Variants in CDH9 observed in about 807,000 individuals in gnomAD.
CDH9 encodes the protein cadherin-9.
Under a neutral mutation model 70.9 loss-of-function variants are expected in CDH9, and 28 were observed. The ratio of observed to expected loss-of-function variants is 0.40; its 90% confidence interval spans 0.29 to 0.54. CDH9 has a LOEUF of 0.54. Ranked by LOEUF, CDH9 falls within the 20% of genes least tolerant of loss-of-function variation. The pLI is 0.59. For synonymous variants in CDH9, 409 were observed against 343.1 expected (o/e 1.19, Z -2.12); for missense variants, 874 against 984.4 (o/e 0.89, Z 1.50).
At chr5:27,028,252 AC>A (rs754462177) in intron 1 of CDH9, 2 of 151,820 alleles carry the variant, frequency 1.3e-5, no homozygotes, top group Non-Finnish European at 2.9e-5. Context: ...GTTGGCACGC[AC>A]CTGTAGTCCC....
At chr5:26,956,231 G>A (rs906122711) in intron 2 of CDH9, among the ~76,000 whole-genome samples, 3 of 152,094 alleles carry the variant, frequency 2.0e-5, no homozygotes, top group African/African-American at 7.2e-5. Flanking sequence ...TAAGTCTCAC[G>A]AGATCTGAAT....
intron 2 of CDH9, among the ~76,000 whole-genome samples, chr5:26,953,168 T>C (rs1311525624): frequency 6.6e-6 from 1 of 152,170 alleles, no homozygotes; most frequent in Non-Finnish European, 1.5e-5. Context: ...TAGCAATATA[T>C]CAAACACTCT....
intron 2 of CDH9, among the ~76,000 whole-genome samples, chr5:26,944,491 AC>A (rs1741714326): frequency 6.6e-6 from 1 of 151,866 alleles, no homozygotes; most frequent in African/African-American, 2.4e-5. Flanking sequence ...TTCCCCCCAA[AC>A]TTTTAAAAAC....
At chr5:26,890,312 C>A in intron 8 of CDH9, 116 bp downstream of exon 8, 2 of 789,756 alleles carry the variant, frequency 2.5e-6, no homozygotes, top group South Asian at 1.8e-5. Context: ...AGCCATTTCT[C>A]TAAGATCTTG....
At chr5:26,909,934 C>A (rs1250180693) in intron 3 of CDH9, among the ~76,000 whole-genome samples, 1 of 151,672 alleles carries the variant, frequency 6.6e-6, no homozygotes, top group Non-Finnish European at 1.5e-5. Context: ...GAGAAAAATT[C>A]ATCAATATAA....
intron 2 of CDH9, among the ~76,000 whole-genome samples, chr5:26,934,797 G>C (rs1228029617): frequency 6.6e-6 from 1 of 152,030 alleles, no homozygotes; most frequent in Non-Finnish European, 1.5e-5. Context: ...CCAGATGGCT[G>C]CAATGGTGAA....
At chr5:27,025,564 C>A (rs991967583) in intron 1 of CDH9, among the ~76,000 whole-genome samples, 149 of 152,102 alleles carry the variant, frequency 9.8e-4, no homozygotes, top group Non-Finnish European at 4.3e-4. Context: ...AAGCAATAGA[C>A]AAAGTGCTAA....
chr5:26,992,041 A>G (rs1466956763), intron 1 of CDH9, among the ~76,000 whole-genome samples: 1 of 152,194 alleles, frequency 6.6e-6, no homozygotes, highest in Non-Finnish European at 1.5e-5. Context: ...ATGCATATGT[A>G]CAAATGTATA....
At chr5:27,005,357 G>A (rs189346668) in intron 1 of CDH9, among the ~76,000 whole-genome samples, 1 of 151,930 alleles carries the variant, frequency 6.6e-6, no homozygotes, top group South Asian at 2.1e-4. Flanking sequence ...TGCAAGCAAA[G>A]AACATGAACT....
At chr5:26,967,070 C>T (rs1742142397) in intron 2 of CDH9, among the ~76,000 whole-genome samples, 1 of 151,968 alleles carries the variant, frequency 6.6e-6, no homozygotes, top group Non-Finnish European at 1.5e-5. Flanking sequence ...GTAGCTGGGA[C>T]CACATACATG....
chr5:26,926,060 C>T (rs1208717306), intron 2 of CDH9, among the ~76,000 whole-genome samples: 2 of 152,138 alleles, frequency 1.3e-5, no homozygotes, highest in Admixed American at 6.6e-5. Flanking sequence ...CTCACCATTC[C>T]TATTCAACGT....
intron 2 of CDH9, among the ~76,000 whole-genome samples, chr5:26,930,583 T>C (rs1443407089): frequency 1.3e-5 from 2 of 152,130 alleles, no homozygotes; most frequent in Non-Finnish European, 2.9e-5. Context: ...TTTGATCAGT[T>C]GGACATATGC....
intron 2 of CDH9, among the ~76,000 whole-genome samples, chr5:26,947,060 T>C (rs1741767189): frequency 6.6e-6 from 1 of 152,198 alleles, no homozygotes; most frequent in South Asian, 2.1e-4. Context: ...TGTATGAAGA[T>C]GACCTGCTGA....
intron 1 of CDH9, among the ~76,000 whole-genome samples, chr5:26,994,040 T>C (rs965851809): frequency 6.6e-6 from 1 of 152,212 alleles, no homozygotes; most frequent in Non-Finnish European, 1.5e-5. Flanking sequence ...TTTCCTTCTT[T>C]CTTATTCCTC....
intron 1 of CDH9, among the ~76,000 whole-genome samples, chr5:27,005,591 G>A (rs918616450): frequency 1.3e-5 from 2 of 152,124 alleles, no homozygotes; most frequent in African/African-American, 4.8e-5. Context: ...TTCAACTACT[G>A]TGGAAAGCAG....
At chr5:27,012,015 A>G (rs2112116071) in intron 1 of CDH9, among the ~76,000 whole-genome samples, 1 of 152,126 alleles carries the variant, frequency 6.6e-6, no homozygotes, top group African/African-American at 2.4e-5. Context: ...CTATGATTCC[A>G]AAACAGAATA....
At chr5:26,992,987 T>C (rs2112096724) in intron 1 of CDH9, among the ~76,000 whole-genome samples, 1 of 151,872 alleles carries the variant, frequency 6.6e-6, no homozygotes, top group African/African-American at 2.4e-5. Flanking sequence ...TCCCAGCTAC[T>C]TGGGAGGCTG....
chr5:26,983,769 C>T (rs1316879985), intron 2 of CDH9, among the ~76,000 whole-genome samples: 2 of 152,076 alleles, frequency 1.3e-5, no homozygotes, highest in African/African-American at 4.8e-5. Context: ...ACTATAACAA[C>T]TCATCAAAAC....
chr5:26,897,097 C>T (rs1281518432), intron 7 of CDH9, among the ~76,000 whole-genome samples: 2 of 152,066 alleles, frequency 1.3e-5, no homozygotes, highest in Non-Finnish European at 2.9e-5. Context: ...TGGACACATA[C>T]ACCCTCCAAA....
Sources: gnomAD v4.1 joint callset for allele counts (sites outside exome capture counted in the v4.1 genomes callset) on GRCh38, gnomAD v4.1.1 for gene constraint, MANE v1.5 for transcripts, NCBI Gene and HGNC (gene_info 2026-07-23, HGNC 2026-07-21) for gene names.